C5: variants seen among roughly 807,000 people sequenced by gnomAD.
C5 encodes the protein C3 and PZP-like alpha-2-macroglobulin domain-containing protein 4.
A neutral mutation model predicts 218.8 loss-of-function variants in C5; 140 were observed. The observed-to-expected ratio is 0.64, with a 90% confidence interval of 0.56 to 0.74. The LOEUF is 0.74. C5 is among the 30% of genes least tolerant of loss of function. The pLI is 0.00. For synonymous variants in C5, 614 were observed against 682.3 expected (o/e 0.90, Z 1.56); for missense variants, 1,700 against 1,969.6 (o/e 0.86, Z 2.59).
At chr9:121,004,713 C>A (rs1213980847) in intron 20 of C5, among the ~76,000 whole-genome samples, 1 of 151,780 alleles carries the variant, frequency 6.6e-6, no homozygotes, top group East Asian at 1.9e-4. Flanking sequence ...GAGGAGTTTG[C>A]AGTGAGCGGA....
rs191266204 is a variant in C5, at chr9:120,960,721, G to C, written c.4589-384C>G. 3.1e-3 allele frequency among the ~76,000 whole-genome samples: 478 copies of C among 152,228 alleles called. 1 individual carries two copies. Among genetic ancestry groups the C allele is most frequent in the Non-Finnish European group, 5.8e-3 (395 of 68,010 alleles). ...TTAGTGTTAGCGTATTTTATGTATG[G>C]CCCAAGACAATTCTTCTTCCAATGT... On this transcript the variant is annotated intron_variant, in intron 37 of 40. Transcript: ENST00000223642.
intron 17 of C5, 28 bp from the exon 18 acceptor site, chr9:121,008,526 G>C (rs1268326035): frequency 6.7e-7 from 1 of 1,492,192 alleles, no homozygotes. Flanking sequence ...ATTCAATTAT[G>C]GAAAAACAAT....
intron 32 of C5, 92 bp from the exon 33 acceptor site, chr9:120,969,210 G>GATT: frequency 1.0e-6 from 1 of 984,556 alleles, no homozygotes; most frequent in Non-Finnish European, 1.6e-6. Flanking sequence ...TCATTAATGA[G>GATT]CAAATCTTTG....
chr9:121,062,415 G>A, the C5 span, among the ~76,000 whole-genome samples: 3 of 152,142 alleles, frequency 2.0e-5, no homozygotes, highest in Non-Finnish European at 2.9e-5. Context: ...CCAAGTGTGG[G>A]GCCCTTCTGC....
chr9:120,976,734 T>C lies in C5; in HGVS notation c.3830A>G (p.Glu1277Gly). 1.2e-6 allele frequency: 2 copies of C among 1,614,184 alleles called. No homozygotes were observed. Among genetic ancestry groups the C allele is most frequent in the Non-Finnish European group, 1.7e-6 (2 of 1,180,020 alleles). ...VNPVIKWLSEEQRYGGGFYST... is the reference protein window; with the variant it reads ...VNPVIKWLSEGQRYGGGFYST... ...ATAAAAGCCACCTCCATACCTCTGC[T>C]CTTCTGATAGCCATTTGATGACTGG... The change falls in exon 29 of 41, where the codon GAG (glutamate) becomes GGG (glycine). Residue 1277 changes from glutamate (E) to glycine (G), a missense_variant. Transcript: ENST00000223642.
At chr9:121,032,272 C>G (rs1214059382) in intron 5 of C5, 77 bp from the exon 6 acceptor site, 1 of 868,864 alleles carries the variant, frequency 1.2e-6, no homozygotes, top group Non-Finnish European at 1.9e-6. Context: ...TAATAAATTC[C>G]TGTTTTAAAG....
chr9:121,014,389 T>A (rs2047288926), intron 16 of C5, among the ~76,000 whole-genome samples: 2 of 152,222 alleles, frequency 1.3e-5, no homozygotes. Context: ...ATAGAAAATG[T>A]TTTTTAAGAA....
the C5 span, among the ~76,000 whole-genome samples, chr9:121,072,498 A>G: frequency 1.3e-5 from 2 of 152,096 alleles, no homozygotes; most frequent in African/African-American, 4.8e-5. Context: ...TATCACCTGA[A>G]CTTCGATTAA....
intron 27 of C5, 38 bp downstream of exon 27, chr9:120,981,806 T>C (rs1360354338): frequency 3.6e-6 from 5 of 1,388,592 alleles, no homozygotes; most frequent in South Asian, 2.3e-5. Flanking sequence ...AGTACAGAAA[T>C]AGATGATGGG....
rs143531056 is a variant in C5 at position 120,952,753 on chromosome 9, A to G, written c.5017T>C (p.Leu1673=). 4.0e-5 allele frequency: 64 copies of G among 1,613,282 alleles called. No homozygotes were observed. The highest frequency in any genetic ancestry group is 5.0e-5 in the Non-Finnish European group (59 of 1,179,740). ...NLDEFAEDIF[L]NGC is the part of the protein sequence containing the mutation. ...CTTCAGGAATTTTAGCATCCATTTA[A>G]AAAGATATCTTCGGCAAATTCATCT... Residue 1673 remains leucine (L), a synonymous_variant, in exon 41 of 41, where the codon TTA becomes CTA. Coordinates refer to ENST00000223642, the MANE Select transcript of C5 (RefSeq NM_001735.3).
At chr9:120,993,681 C>T (rs186474636) in intron 22 of C5, among the ~76,000 whole-genome samples, 4,255 of 152,302 alleles carry the variant, frequency 0.028, 214 homozygotes, top group African/African-American at 0.097. Context: ...CTCAGCCTCC[C>T]AAAGTGCTGG....
intron 33 of C5, among the ~76,000 whole-genome samples, chr9:120,966,736 G>A (rs2046870989): frequency 6.6e-6 from 1 of 152,154 alleles, no homozygotes; most frequent in African/African-American, 2.4e-5. Flanking sequence ...TAGGGAATGA[G>A]GAAAGATGTT....
intron 20 of C5, among the ~76,000 whole-genome samples, chr9:121,002,008 A>T (rs77124923): frequency 6.6e-6 from 1 of 151,598 alleles, no homozygotes; most frequent in Non-Finnish European, 1.5e-5. Flanking sequence ...TAGTATACCC[A>T]CCATGTGAAT....
intron 1 of C5, 75 bp downstream of exon 1, chr9:121,050,107 G>C: frequency 2.6e-6 from 3 of 1,171,502 alleles, no homozygotes; most frequent in Non-Finnish European, 2.6e-6. Context: ...CAAGTTAACA[G>C]AATCTGTTAA....
intron 32 of C5, 87 bp downstream of exon 32, chr9:120,970,083 C>A: frequency 1.1e-6 from 1 of 908,076 alleles, no homozygotes; most frequent in Non-Finnish European, 1.8e-6. Context: ...TTTGAGTAAG[C>A]ACATTTTTAC....
In C5 at chr9:121,017,756, C is replaced by G; in HGVS notation, c.1603G>C (p.Val535Leu). The G allele has an allele frequency of 6.2e-7, 1 of 1,612,858 alleles. No homozygotes were observed. ...TAGACCAGAAGTCGGGATGAAGGAA[C>G]CATGTTCTGTGTTACTGGAATGTTT... The part of the protein sequence containing the change: ...SINIPVTQNM[V>L]PSSRLLVYYI... Residue 535 changes from valine (V) to leucine (L), a missense_variant, in exon 13 of 41, where the codon GTT becomes CTT. Transcript: ENST00000223642.
the C5 span, among the ~76,000 whole-genome samples, chr9:121,055,935 ACTTTG>A: frequency 6.6e-6 from 1 of 152,142 alleles, no homozygotes; most frequent in Non-Finnish European, 1.5e-5. Context: ...AGAGAAAGAG[ACTTTG>A]CCTGGTAACC....
chr9:121,009,553 T>C (rs1458245319), intron 17 of C5, among the ~76,000 whole-genome samples: 3 of 152,150 alleles, frequency 2.0e-5, no homozygotes, highest in East Asian at 3.8e-4. Flanking sequence ...ATGATTATAG[T>C]TGAAAAATTG....
At chr9:121,018,746 G>GAAAGA (rs772168116) in intron 12 of C5, among the ~76,000 whole-genome samples, 2 of 30,126 alleles carry the variant, frequency 6.6e-5, no homozygotes, top group African/African-American at 2.1e-4. Flanking sequence ...GGAAGGAAAG[G>GAAAGA]AAGGAAGGAA....
Sources: allele counts gnomAD v4.1 joint callset (sites outside exome capture counted in the v4.1 genomes callset), GRCh38; gene constraint gnomAD v4.1.1; transcripts MANE v1.5; gene names NCBI Gene and HGNC (gene_info 2026-07-23, HGNC 2026-07-21).